Variants in SCML2 observed in about 807,000 individuals in gnomAD.
SCML2 encodes sex comb on midleg-like protein 2.
SCML2 carries 6 observed loss-of-function variants against 48.4 expected under a neutral mutation model. The ratio of observed to expected loss-of-function variants is 0.12; its 90% CI spans 0.07 to 0.24. SCML2 has a LOEUF of 0.24. Ranked by LOEUF, SCML2 falls within the 10% of genes least tolerant of loss-of-function variation. The probability of loss-of-function intolerance (pLI) is 1.00; values close to 1 mark genes in which losing one functional copy is unlikely to be tolerated. For synonymous variants in SCML2, 181 were observed against 189.5 expected, an observed-to-expected ratio of 0.95 and a Z score of 0.37; for missense variants, 377 against 528.2, an observed-to-expected ratio of 0.71 and a Z score of 2.81.
chrX:18,309,469 A>G (rs1162630150), intron 6 of SCML2, among the ~76,000 whole-genome samples: 1 of 112,050 alleles, frequency 8.9e-6, no homozygotes, highest in African/African-American at 3.2e-5. Flanking sequence ...TACCATAGAC[A>G]CATGTTCGCG....
intron 6 of SCML2, among the ~76,000 whole-genome samples, chrX:18,315,297 T>C (rs1929085914): frequency 9.1e-6 from 1 of 109,991 alleles, no homozygotes; most frequent in Non-Finnish European, 1.9e-5. Context: ...GAACATAACA[T>C]CCAAAGCAGG....
intron 6 of SCML2, among the ~76,000 whole-genome samples, chrX:18,308,311 G>C (rs182310174): frequency 1.1e-3 from 91 of 83,882 alleles, no homozygotes; most frequent in African/African-American, 3.7e-3. Context: ...GGAAGGGAGG[G>C]AGGAAGGAAG....
chrX:18,315,856 T>C (rs1259846425), intron 6 of SCML2, among the ~76,000 whole-genome samples: 1 of 111,334 alleles, frequency 9.0e-6, no homozygotes, highest in African/African-American at 3.3e-5. Flanking sequence ...ACAAACATCC[T>C]GCATTGTAAT....
intron 10 of SCML2, 35 bp downstream of exon 10, chrX:18,258,009 G>A: frequency 1.9e-6 from 2 of 1,045,685 alleles, no homozygotes; most frequent in Admixed American, 4.5e-5. Context: ...GAAGGGGGAA[G>A]GGACTGAATT....
At chrX:18,274,398 G>GT (rs1465989151) in intron 7 of SCML2, among the ~76,000 whole-genome samples, 1 of 112,426 alleles carries the variant, frequency 8.9e-6, no homozygotes, top group East Asian at 2.8e-4. Flanking sequence ...TCCCACCCAT[G>GT]AAGGGGTCAG....
rs1926188794 is a variant in SCML2, at chrX:18,239,386, T to TGA, written c.*1863_*1864dup. On this transcript the variant is annotated 3_prime_UTR_variant, in exon 15 of 15. Coordinates refer to ENST00000251900, the MANE Select transcript of SCML2 (RefSeq NM_006089.3). ...AAAACATAGTATTTATGTAAACACC[T>TGA]GAGGACTGTTCAAGTGGGTACAGCA... 8.9e-6 allele frequency: 1 copy of TGA among 112,911 alleles called. No homozygotes were observed. Among genetic ancestry groups the TGA allele is most frequent in the South Asian group, 3.7e-4 (1 of 2,738 alleles). The allele number at this position is 112,911 out of a possible 1,213,427, so 9.3% of individuals were successfully genotyped here.
chrX:18,249,206 C>T (rs971267628), intron 11 of SCML2, among the ~76,000 whole-genome samples: 2 of 111,520 alleles, frequency 1.8e-5, no homozygotes, highest in African/African-American at 6.5e-5. Context: ...TGCAACAATC[C>T]AAAGTGTTTA....
At chrX:18,288,435 T>C (rs1343034302) in intron 7 of SCML2, among the ~76,000 whole-genome samples, 1 of 111,262 alleles carries the variant, frequency 9.0e-6, no homozygotes, top group Non-Finnish European at 1.9e-5. Flanking sequence ...AGGACTATTC[T>C]TTTTAAAAAG....
At chrX:18,318,111 G>T (rs1929191664) in intron 6 of SCML2, among the ~76,000 whole-genome samples, 1 of 112,514 alleles carries the variant, frequency 8.9e-6, no homozygotes, top group African/African-American at 3.2e-5. Context: ...CACAGCCCAA[G>T]CTAATAGGTG....
chrX:18,274,638 T>A (rs548101622), intron 7 of SCML2, among the ~76,000 whole-genome samples: 1 of 112,024 alleles, frequency 8.9e-6, no homozygotes, highest in Admixed American at 9.4e-5. Flanking sequence ...GCCCTCTGTG[T>A]ATCTTCATAG....
chrX:18,270,229 T>C (rs1927405636), intron 7 of SCML2, among the ~76,000 whole-genome samples: 2 of 110,134 alleles, frequency 1.8e-5, no homozygotes, highest in Non-Finnish European at 3.8e-5. Flanking sequence ...GGTTTCACCA[T>C]GTTAGTCAGG....
chrX:18,264,779 C>A (rs986918792), intron 8 of SCML2, among the ~76,000 whole-genome samples: 1 of 111,069 alleles, frequency 9.0e-6, no homozygotes, highest in African/African-American at 3.3e-5. Context: ...TTCATCCAGC[C>A]TCAGTTCAGA....
At chrX:18,265,898 C>G (rs1927244415) in intron 7 of SCML2, 96 bp from the exon 8 acceptor site, 3 of 588,454 alleles carry the variant, frequency 5.1e-6, no homozygotes, top group Non-Finnish European at 7.7e-6. Context: ...CCTTTAAAAC[C>G]ATTTCCAAAG....
chrX:18,336,745 A>T (rs188235330), intron 1 of SCML2, among the ~76,000 whole-genome samples: 1 of 100,126 alleles, frequency 1.0e-5, no homozygotes, highest in African/African-American at 3.4e-5. Flanking sequence ...TCGAAAAAAA[A>T]TAATAAATAA....
intron 7 of SCML2, among the ~76,000 whole-genome samples, chrX:18,292,100 T>A (rs1928250651): frequency 8.9e-6 from 1 of 111,793 alleles, no homozygotes; most frequent in Non-Finnish European, 1.9e-5. Context: ...AGAAAAAGAT[T>A]CAATCTCACT....
At chrX:18,249,345 G>C (rs909949760) in intron 11 of SCML2, among the ~76,000 whole-genome samples, 6 of 111,535 alleles carry the variant, frequency 5.4e-5, no homozygotes, top group African/African-American at 2.0e-4. Flanking sequence ...CAGCAGGTGT[G>C]AAAAACAGCC....
At position 18,272,930 on chromosome X, in the gene SCML2, C is replaced by T. The variant is rs747851972; in HGVS notation, c.731-7128G>A. The stretch of plus-strand genomic sequence containing the variant: ...GACTAGTCCATGTTCACTATTATTA[C>T]GATTTTCTCATTTTTAACCTGCTAT... On this transcript the variant is annotated intron_variant, in intron 7 of 14. Transcript: ENST00000251900. 1.1e-4 allele frequency among the ~76,000 whole-genome samples: 12 copies of T among 111,935 alleles called. No homozygotes were observed. The South Asian group carries it at 1.5e-3, about 14-fold the overall frequency.
rs185300172 is a variant in SCML2 at position 18,297,814 on chromosome X, A to C, written c.730+7158T>G. 4.6e-5 allele frequency among the ~76,000 whole-genome samples: 5 copies of C among 109,284 alleles called. No individual in the cohort carries two copies. The East Asian group carries it at 1.4e-3, about 31-fold the overall frequency. The allele number at this position is 109,284 out of a possible 115,157, so 94.9% of individuals were successfully genotyped here. A position where few individuals can be genotyped will look rare whatever the true frequency, so the allele number is the denominator to read the frequency against. ...CAACACAGTGAGACCCTGTCTCTAC[A>C]AAAAAAAACACAAAAAACAAAACAA... On this transcript the variant is annotated intron_variant, in intron 7 of 14. Transcript: ENST00000251900.
intron 7 of SCML2, among the ~76,000 whole-genome samples, chrX:18,296,412 CA>C (rs200145597): frequency 2.0e-4 from 19 of 96,583 alleles, no homozygotes; most frequent in East Asian, 3.2e-4. Context: ...CCCCATCAGA[CA>C]AAAAAAAAAG....
Sources: allele counts gnomAD v4.1 joint callset (sites outside exome capture counted in the v4.1 genomes callset), GRCh38; gene constraint gnomAD v4.1.1; transcripts MANE v1.5; gene names NCBI Gene and HGNC (gene_info 2026-07-23, HGNC 2026-07-21).